The following PCDH17 variants were observed in gnomAD, a reference collection of about 807,000 sequenced individuals.
PCDH17 encodes the protein protocadherin-17.
In PCDH17, 21 loss-of-function variants were observed where a neutral mutation model predicts 67.7. That is an observed-to-expected ratio of 0.31 (90% CI 0.22 to 0.45). PCDH17 has a LOEUF of 0.45. Among genes scored for constraint, PCDH17 ranks in the 20% least tolerant of loss-of-function variants. PCDH17 has a pLI of 1.00. For missense variants in PCDH17, 1,471 were observed against 1,564.8 expected (o/e 0.94, Z 1.01); for synonymous variants, 701 against 656.7 (o/e 1.07, Z -1.03).
chr13:57,701,996 C>T lies in PCDH17; in HGVS notation c.2798-22616C>T, dbSNP rs896706555. ...GCAGTGGCATGATCTCGGCTCACTG[C>T]AACCTCTGTCTCCCAGGTTCAAGCG... On this transcript the variant is annotated intron_variant, in intron 3 of 3. Transcript: ENST00000377918. Among the ~76,000 whole-genome samples, 20 of 152,174 alleles carry T rather than the reference C, an allele frequency of 1.3e-4. 1 individual carries two copies. The South Asian group carries it at 3.5e-3, about 27-fold the overall frequency.
chr13:57,673,493 C>A lies in PCDH17; in HGVS notation c.2797+6660C>A, dbSNP rs371093309. On this transcript the variant is annotated intron_variant, in intron 3 of 3. Transcript: ENST00000377918. ...TAGTGAGACCTGGCCTGCCAAAAAA[C>A]CACTTCCACGTAACCAAGAACATGA... 3.3e-5 allele frequency among the ~76,000 whole-genome samples: 5 copies of A among 151,954 alleles called. No individual in the cohort carries two copies. In the East Asian group the frequency reaches 7.8e-4, roughly 24 times the overall value.
At chr13:57,692,356 ATTTAC>A (rs1955567261) in intron 3 of PCDH17, among the ~76,000 whole-genome samples, 1 of 151,232 alleles carries the variant, frequency 6.6e-6, no homozygotes, top group African/African-American at 2.4e-5. Flanking sequence ...ATCTGTATTA[ATTTAC>A]TTTAAAGTTT....
chr13:57,692,456 C>T (rs998844379), intron 3 of PCDH17, among the ~76,000 whole-genome samples: 1 of 151,134 alleles, frequency 6.6e-6, no homozygotes, highest in Admixed American at 6.6e-5. Flanking sequence ...ACTTTTAAAG[C>T]TTTTGTACTA....
chr13:57,719,060 A>G (rs909438383), intron 3 of PCDH17, among the ~76,000 whole-genome samples: 10 of 151,994 alleles, frequency 6.6e-5, no homozygotes. Flanking sequence ...AATAGAGATG[A>G]GTGCTTGCTC....
At chr13:57,658,831 G>A (rs1268379937) in intron 1 of PCDH17, among the ~76,000 whole-genome samples, 1 of 152,028 alleles carries the variant, frequency 6.6e-6, no homozygotes, top group East Asian at 1.9e-4. Context: ...CCAGGCTGGA[G>A]TGCAATGGTG....
At chr13:57,650,315 G>A (rs1231672190) in intron 1 of PCDH17, among the ~76,000 whole-genome samples, 2 of 151,196 alleles carry the variant, frequency 1.3e-5, no homozygotes, top group Non-Finnish European at 2.9e-5. Context: ...GTGCCTGTAG[G>A]CCTGTGTAGT....
At position 57,716,349 on chromosome 13, in the gene PCDH17, G is replaced by A. The variant is rs141418910; in HGVS notation, c.2798-8263G>A. ...TTTTCCATTCTTTTTTCAGATCCTA[G>A]CAAATTTTCTCTACATTGTTATGTC... On this transcript the variant is annotated intron_variant, in intron 3 of 3. Coordinates refer to ENST00000377918, the MANE Select transcript of PCDH17 (RefSeq NM_001040429.3). Among the ~76,000 whole-genome samples, 13 of 152,002 alleles carry A rather than the reference G, an allele frequency of 8.6e-5. No homozygotes were observed. The East Asian group carries it at 2.5e-3, about 29-fold the overall frequency.
At chr13:57,724,388 C>T (rs373304101) in intron 3 of PCDH17, among the ~76,000 whole-genome samples, 1 of 152,162 alleles carries the variant, frequency 6.6e-6, no homozygotes, top group Non-Finnish European at 1.5e-5. Context: ...TCTTCCCAGG[C>T]TGTGGGAATT....
intron 3 of PCDH17, among the ~76,000 whole-genome samples, chr13:57,693,867 A>G (rs1955582715): frequency 6.6e-6 from 1 of 151,066 alleles, no homozygotes; most frequent in Admixed American, 6.6e-5. Context: ...ATCTTTCTAT[A>G]TAAGTTATGT....
At chr13:57,641,040 A>G (rs113400364) in intron 1 of PCDH17, among the ~76,000 whole-genome samples, 24 of 152,078 alleles carry the variant, frequency 1.6e-4, no homozygotes, top group African/African-American at 5.1e-4. Flanking sequence ...CCTTCAATCA[A>G]TGACTGTATA....
At chr13:57,708,282 A>G (rs1410745766) in intron 3 of PCDH17, among the ~76,000 whole-genome samples, 1 of 152,044 alleles carries the variant, frequency 6.6e-6, no homozygotes, top group African/African-American at 2.4e-5. Context: ...TAAGAGGGTC[A>G]TGTTATATGC....
At chr13:57,640,155 A>G (rs961450342) in intron 1 of PCDH17, among the ~76,000 whole-genome samples, 1 of 151,988 alleles carries the variant, frequency 6.6e-6, no homozygotes, top group East Asian at 1.9e-4. Flanking sequence ...TTTATATTTT[A>G]TCATGTTTCA....
chr13:57,678,933 C>T lies in PCDH17; in HGVS notation c.2797+12100C>T, dbSNP rs568815469. 1.7e-4 allele frequency among the ~76,000 whole-genome samples: 25 copies of T among 151,512 alleles called. No homozygotes were observed. In the East Asian group the frequency reaches 4.5e-3, roughly 27 times the overall value. On this transcript the variant is annotated intron_variant, in intron 3 of 3. Transcript: ENST00000377918. The stretch of plus-strand genomic sequence containing the variant: ...TTCCAGAATTAAGAATTTTTCTGAT[C>T]TTAGAAAGGGGCTATAGTTCATATA...
chr13:57,695,746 T>C (rs960863250), intron 3 of PCDH17, among the ~76,000 whole-genome samples: 2 of 151,486 alleles, frequency 1.3e-5, no homozygotes, highest in East Asian at 3.9e-4. Context: ...GTCTCTACTT[T>C]ATATTCAGCT....
rs1392276258 is a variant in PCDH17, at chr13:57,634,881, G to T, written c.2335G>T (p.Ala779Ser). 3 of 1,613,846 alleles carry T rather than the reference G, an allele frequency of 1.9e-6. No individual in the cohort carries two copies. Among genetic ancestry groups the T allele is most frequent in the Non-Finnish European group, 1.7e-6 (2 of 1,179,982 alleles). ...LVQSEVEERN[A>S]MNVMNVVSSP... is the part of the protein sequence containing the mutation. The stretch of plus-strand genomic sequence containing the variant: ...GCAGAGCGAAGTGGAGGAGAGGAAC[G>T]CCATGAACGTCATGAACGTGGTGAG... The change falls in exon 1 of 4, where the codon GCC becomes TCC. Residue 779 changes from alanine (A) to serine (S), a missense_variant. Coordinates refer to ENST00000377918, the MANE Select transcript of PCDH17 (RefSeq NM_001040429.3). This position sits in a 1 kb window ranked among gnomAD's most constrained non-coding sequence, Gnocchi z 7.8.
At chr13:57,673,806 A>G (rs1273916486) in intron 3 of PCDH17, among the ~76,000 whole-genome samples, 1 of 151,996 alleles carries the variant, frequency 6.6e-6, no homozygotes, top group Non-Finnish European at 1.5e-5. Context: ...AGGTTTTACT[A>G]GAATGCATTT....
chr13:57,651,754 T>G (rs1163795843), intron 1 of PCDH17, among the ~76,000 whole-genome samples: 1 of 152,188 alleles, frequency 6.6e-6, no homozygotes, highest in Non-Finnish European at 1.5e-5. Flanking sequence ...ATATTTACTA[T>G]CTATAGGGCC....
At chr13:57,676,135 A>G (rs1488842213) in intron 3 of PCDH17, among the ~76,000 whole-genome samples, 2 of 151,910 alleles carry the variant, frequency 1.3e-5, no homozygotes, top group South Asian at 2.1e-4. Context: ...GTATGTGTTA[A>G]TTATCTCTTA....
At chr13:57,679,953 G>A (rs1359903650) in intron 3 of PCDH17, among the ~76,000 whole-genome samples, 1 of 151,144 alleles carries the variant, frequency 6.6e-6, no homozygotes, top group South Asian at 2.1e-4. Context: ...GTTTGTTCAG[G>A]GCCAGGTCTC....
Sources: gnomAD v4.1 joint callset for allele counts (sites outside exome capture counted in the v4.1 genomes callset) on GRCh38, gnomAD v4.1.1 for gene constraint, Gnocchi (gnomAD v3.1) non-coding constraint, MANE v1.5 for transcripts, NCBI Gene and HGNC (gene_info 2026-07-23, HGNC 2026-07-21) for gene names.